RIC1: variants seen among roughly 807,000 people sequenced by gnomAD.
The protein encoded by RIC1 is guanine nucleotide exchange factor subunit RIC1.
A neutral mutation model predicts 169.0 loss-of-function variants in RIC1; 88 were observed. That is an observed-to-expected ratio of 0.52 (90% CI 0.44 to 0.62). The LOEUF is 0.62. RIC1 is among the 20% of genes least tolerant of loss of function. RIC1 has a pLI of 0.00. For missense variants in RIC1, 1,877 were observed against 1,725.5 expected (o/e 1.09, Z -1.56); for synonymous variants, 790 against 601.5 (o/e 1.31, Z -4.59).
chr9:5,638,195 A>G (rs1018731285), intron 1 of RIC1, among the ~76,000 whole-genome samples: 2 of 152,204 alleles, frequency 1.3e-5, no homozygotes, highest in African/African-American at 4.8e-5. Flanking sequence ...TGGAATAAAT[A>G]CCACTTGTTC....
At chr9:5,777,754 T>C (rs1827668806), downstream of RIC1, among the ~76,000 whole-genome samples, 4 of 152,212 alleles carry the variant, frequency 2.6e-5, no homozygotes. Flanking sequence ...GAAAGGATTT[T>C]TTTCCCATTG....
chr9:5,632,205 A>C (rs1817747850), intron 1 of RIC1, among the ~76,000 whole-genome samples: 1 of 152,198 alleles, frequency 6.6e-6, no homozygotes, highest in African/African-American at 2.4e-5. Context: ...CTTAGGAGTG[A>C]TATATTTTAA....
intron 2 of RIC1, among the ~76,000 whole-genome samples, chr9:5,683,629 G>A (rs548191584): frequency 7.0e-4 from 106 of 152,330 alleles, no homozygotes; most frequent in African/African-American, 2.4e-3. Context: ...CCGGTTCTCA[G>A]ATCTCAAGCT....
rs1298438454 is a variant in RIC1 at position 5,763,475 on chromosome 9, T to C, written c.2448T>C (p.Pro816=). 1 of 1,614,198 alleles carries C rather than the reference T, an allele frequency of 6.2e-7. No individual in the cohort carries two copies. Among genetic ancestry groups the C allele is most frequent in the Admixed American group, 1.7e-5 (1 of 60,026 alleles). ...GAGAACAGCTGGAGGTGCTCTTCCC[T>C]TTCTGTGTTGTGGAGAGAACCTCTC... ...NAREQLEVLF[P]FCVVERTSQI... The change falls in exon 19 of 26, where the codon CCT becomes CCC. Residue 816 remains proline, a synonymous_variant. Coordinates refer to ENST00000414202, the MANE Select transcript of RIC1 (RefSeq NM_020829.4). The surrounding 1 kb of genome is among the most constrained non-coding windows in gnomAD (Gnocchi z 5.2).
rs7848079 is a variant in RIC1, at chr9:5,750,053, A to G, written c.1452+2548A>G. On this transcript the variant is annotated intron_variant, in intron 12 of 25. Transcript: ENST00000414202. ...CAGCCTCCCAAAGTACTGGGATTAC[A>G]GGCGTGAGCCACCGCACCCAGCCAA... Among the ~76,000 whole-genome samples, 1,356 of 152,008 alleles carry G rather than the reference A, an allele frequency of 8.9e-3. 59 individuals are homozygous for G. Among genetic ancestry groups the G allele is most frequent in the African/African-American group, 0.032 (1,305 of 41,356 alleles).
Position 5,682,992 on chromosome 9 carries a change from C to T in RIC1, c.253-6967C>T, listed in dbSNP as rs190488055. On this transcript the variant is annotated intron_variant, in intron 2 of 25. Coordinates refer to ENST00000414202, the MANE Select transcript of RIC1 (RefSeq NM_020829.4). Reference sequence around the variant, plus strand: ...GCTTGCGCATTCGTCACGTAGTTCTCGTGCCATGGGTTTCAGCTCCATCAG... The same window carrying T: ...GCTTGCGCATTCGTCACGTAGTTCTTGTGCCATGGGTTTCAGCTCCATCAG... Among the ~76,000 whole-genome samples the T allele has an allele frequency of 3.7e-3, 565 of 152,320 alleles. 2 individuals are homozygous for T. Among genetic ancestry groups the T allele is most frequent in the African/African-American group, 0.013 (524 of 41,570 alleles).
chr9:5,704,907 G>A (rs1384446282), intron 3 of RIC1, among the ~76,000 whole-genome samples: 2 of 152,100 alleles, frequency 1.3e-5, no homozygotes, highest in Non-Finnish European at 2.9e-5. Context: ...AGTTGTCTTA[G>A]TACAGAGAAT....
downstream of RIC1, among the ~76,000 whole-genome samples, chr9:5,778,380 T>C (rs1586748102): frequency 2.0e-5 from 3 of 152,200 alleles, no homozygotes; most frequent in South Asian, 6.2e-4. Context: ...TGGATGCCTT[T>C]TCTTTCTTTC....
At chr9:5,760,636 G>A (rs1826271144) in intron 17 of RIC1, among the ~76,000 whole-genome samples, 1 of 151,988 alleles carries the variant, frequency 6.6e-6, no homozygotes, top group African/African-American at 2.4e-5. Context: ...CTGTTATCCA[G>A]GTGTCTGACT....
At chr9:5,718,558 C>A (rs559038378) in intron 4 of RIC1, among the ~76,000 whole-genome samples, 21 of 152,256 alleles carry the variant, frequency 1.4e-4, no homozygotes, top group African/African-American at 4.6e-4. Flanking sequence ...GTGACTCAGG[C>A]CCCATAATTA....
chr9:5,735,657 G>A (rs1257377955), intron 7 of RIC1, among the ~76,000 whole-genome samples: 1 of 152,192 alleles, frequency 6.6e-6, no homozygotes, highest in South Asian at 2.1e-4. Context: ...CACTTATCAG[G>A]ACTAATTACC....
chr9:5,653,081 G>C (rs1020000663), intron 1 of RIC1, among the ~76,000 whole-genome samples: 3 of 152,058 alleles, frequency 2.0e-5, no homozygotes, highest in East Asian at 3.8e-4. Flanking sequence ...TGTTGAATTT[G>C]GTTTGCTACC....
rs1587102401 is a variant in RIC1 at position 5,748,398 on chromosome 9, G to A, written c.1452+893G>A. On this transcript the variant is annotated intron_variant, in intron 12 of 25. Coordinates refer to ENST00000414202, the MANE Select transcript of RIC1 (RefSeq NM_020829.4). ...GAGACAAAAAAATGGTCATGTGAAA[G>A]GTTGAAGGATTATCTCCTACATTGA... 5.3e-5 allele frequency among the ~76,000 whole-genome samples: 8 copies of A among 152,250 alleles called. No homozygotes were observed. In the South Asian group the frequency reaches 1.7e-3, roughly 32 times the overall value.
intron 1 of RIC1, among the ~76,000 whole-genome samples, chr9:5,638,979 A>G (rs1282699238): frequency 6.6e-6 from 1 of 152,102 alleles, no homozygotes; most frequent in Admixed American, 6.6e-5. Context: ...GCAGTGGTGC[A>G]ATCTCGTCTC....
chr9:5,713,610 T>C (rs1051229476), intron 3 of RIC1: 2 of 248,706 alleles, frequency 8.0e-6, no homozygotes, highest in Admixed American at 1.0e-4. Flanking sequence ...GTTGGTTCTC[T>C]TTAGAGTTAG....
intron 1 of RIC1, among the ~76,000 whole-genome samples, chr9:5,637,354 C>G (rs543572311): frequency 6.6e-6 from 1 of 152,130 alleles, no homozygotes. Context: ...CAGGCATGAG[C>G]CACTATACCC....
In RIC1 at chr9:5,763,520, T is replaced by A; in HGVS notation, c.2493T>A (p.Ile831=). The A allele has an allele frequency of 6.2e-7, 1 of 1,614,198 alleles. No individual in the cohort carries two copies. Among genetic ancestry groups the A allele is most frequent in the Non-Finnish European group, 8.5e-7 (1 of 1,180,026 alleles). The change falls in exon 19 of 26, where the codon ATT becomes ATA. Residue 831 remains isoleucine, a synonymous_variant. Transcript: ENST00000414202. This position sits in a 1 kb window ranked among gnomAD's most constrained non-coding sequence, Gnocchi z 5.2. ...CCTCTCAGATCTACCTCCACCACAT[T>A]CTACGTCAACTTCTGGTCAGAAACC... ...ERTSQIYLHH[I]LRQLLVRNLG...
rs1381115437 is a variant in RIC1, at chr9:5,732,377, C to T, written c.721-11C>T. ...CACTTTTTAAGCCTTAACTATTTTT[C>T]TTTATTATAGCAGCTTCATGGAGTT... On this transcript the variant is annotated splice_polypyrimidine_tract_variant and intron_variant, in intron 6 of 25. Transcript: ENST00000414202. 17 of 1,597,914 alleles carry T rather than the reference C, an allele frequency of 1.1e-5. No homozygotes were observed. The highest frequency in any genetic ancestry group is 1.4e-5 in the Non-Finnish European group (16 of 1,172,238).
Position 5,774,154 on chromosome 9 carries a change from A to C in RIC1, c.4180A>C (p.Ser1394Arg). ...CATCCCCCAGGGTGAAGTTGGAAGC[A>C]GCAATATGGTCAGCCGGAAAGAGGA... ...GSIPQGEVGSSNMVSRKEEDT... is the reference protein window; with the variant it reads ...GSIPQGEVGSRNMVSRKEEDT... The change falls in exon 26 of 26, where the codon AGC becomes CGC. Residue 1394 changes from serine (S) to arginine (R), a missense_variant. This residue lies in a region of RIC1 where 681 missense variants were observed against 582.0 expected (regional missense o/e 1.17). Coordinates refer to ENST00000414202, the MANE Select transcript of RIC1 (RefSeq NM_020829.4). 1 of 1,614,106 alleles carries C rather than the reference A, an allele frequency of 6.2e-7. No homozygotes were observed. The highest frequency in any genetic ancestry group is 8.5e-7 in the Non-Finnish European group (1 of 1,179,984).
Sources: gnomAD v4.1 joint callset for allele counts (sites outside exome capture counted in the v4.1 genomes callset) on GRCh38, gnomAD v4.1.1 for gene constraint, gnomAD v4.1.1 regional missense constraint, Gnocchi (gnomAD v3.1) non-coding constraint, MANE v1.5 for transcripts, NCBI Gene and HGNC (gene_info 2026-07-23, HGNC 2026-07-21) for gene names.